LMNA: variants seen among roughly 807,000 people sequenced by gnomAD.
LMNA encodes the protein lamin A/C.
A neutral mutation model predicts 70.4 loss-of-function variants in LMNA; 20 were observed. The ratio of observed to expected loss-of-function variants is 0.28; its 90% confidence interval spans 0.20 to 0.41. The LOEUF is 0.41. Ranked by LOEUF, LMNA falls within the 10% of genes least tolerant of loss-of-function variation. LMNA has a pLI of 1.00. For missense variants in LMNA, 652 were observed against 917.2 expected, an observed-to-expected ratio of 0.71 and a Z score of 3.73; for synonymous variants, 339 against 372.8, an observed-to-expected ratio of 0.91 and a Z score of 1.04.
At chr1:156,110,703 C>T (rs1307485749), upstream of LMNA, among the ~76,000 whole-genome samples, 7 of 151,518 alleles carry the variant, frequency 4.6e-5, no homozygotes, top group South Asian at 6.3e-4. Flanking sequence ...AGGCTGGGTG[C>T]GGTGGCTCAT....
chr1:156,127,835 C>T (rs886427880), intron 1 of LMNA, among the ~76,000 whole-genome samples: 2 of 152,036 alleles, frequency 1.3e-5, no homozygotes, highest in African/African-American at 4.8e-5. Flanking sequence ...TATGGACGTG[C>T]ACCACCTTGC....
rs548459064 is a variant in LMNA, at chr1:156,122,013, A to T, written c.356+6739A>T. Among the ~76,000 whole-genome samples, 3 of 152,140 alleles carry T rather than the reference A, an allele frequency of 2.0e-5. No individual in the cohort carries two copies. In the South Asian group the frequency reaches 6.2e-4, roughly 32 times the overall value. On this transcript the variant is annotated intron_variant, in intron 1 of 11. Transcript: ENST00000368300. ...TCTACTAAAAATACAAAAATTAACC[A>T]GAAATCGCTTGAACCCAGGAGGCAG... is the stretch of plus-strand genomic sequence containing the variant.
rs911401202 is a variant in LMNA, at chr1:156,139,386, C to T, written c.*280C>T. 41 of 1,382,946 alleles carry T rather than the reference C, an allele frequency of 3.0e-5. No homozygotes were observed. Among genetic ancestry groups the T allele is most frequent in the Middle Eastern group, 2.7e-4 (1 of 3,674 alleles). The allele number at this position is 1,382,946 out of a possible 1,614,324, so 85.7% of individuals were successfully genotyped here. On this transcript the variant is annotated 3_prime_UTR_variant, in exon 12 of 12. Coordinates refer to ENST00000368300, the MANE Select transcript of LMNA (RefSeq NM_170707.4). ...TTTTCCCTGCTTCCAGGAAACTCCA[C>T]ATCTGCCTTAAAACCAAAGAGGGCT...
At chr1:156,114,594 T>G (rs1414112497), upstream of LMNA, 5 of 138,446 alleles carry the variant, frequency 3.6e-5, no homozygotes, top group Admixed American at 8.4e-5. Flanking sequence ...TCCTTCCCCC[T>G]CCTCACCACT....
chr1:156,104,196 G>A (rs1258699821), intron 3 of LMNA, among the ~76,000 whole-genome samples: 4 of 152,246 alleles, frequency 2.6e-5, no homozygotes, highest in Admixed American at 2.0e-4. Flanking sequence ...CAAGAGGTGC[G>A]TGTATGGAGG....
intron 3 of LMNA, among the ~76,000 whole-genome samples, chr1:156,095,471 T>TCCTG (rs1267166021): frequency 1.3e-5 from 2 of 151,828 alleles, no homozygotes; most frequent in African/African-American, 4.8e-5. Context: ...CCTGAGTAGC[T>TCCTG]AGGATTACAG....
At position 156,139,485 on chromosome 1, in the gene LMNA, C is replaced by A. The variant is rs1651934215; in HGVS notation, c.*379C>A. Reference sequence around the variant, plus strand: ...GCTTTTCTGCCCTGGCTGCTGCCCCCACCCCGGGGACCCTGTGACATGGTG... The same window carrying A: ...GCTTTTCTGCCCTGGCTGCTGCCCCAACCCCGGGGACCCTGTGACATGGTG... On this transcript the variant is annotated 3_prime_UTR_variant, in exon 12 of 12. Coordinates refer to ENST00000368300, the MANE Select transcript of LMNA (RefSeq NM_170707.4). The A allele has an allele frequency of 1.5e-6, 2 of 1,328,962 alleles. No individual in the cohort carries two copies. Among genetic ancestry groups the A allele is most frequent in the Non-Finnish European group, 1.9e-6 (2 of 1,041,510 alleles). The allele number at this position is 1,328,962 out of a possible 1,614,324, so 82.3% of individuals were successfully genotyped here. A position where few individuals can be genotyped will look rare whatever the true frequency, so the allele number is the denominator to read the frequency against.
At chr1:156,133,532 C>T (rs1361474240) in intron 2 of LMNA, among the ~76,000 whole-genome samples, 1 of 151,824 alleles carries the variant, frequency 6.6e-6, no homozygotes, top group Non-Finnish European at 1.5e-5. Flanking sequence ...GATCGCGCCA[C>T]TGCTCTCCAG....
Position 156,135,789 on chromosome 1 carries a change from T to C in LMNA, c.937-112T>C. ...TCTGATGAGGGCTCTGGGGAAGCTC[T>C]GATTGCAGATCCTGGAGAGAGTAGC... On this transcript the variant is annotated intron_variant, in intron 5 of 11. Coordinates refer to ENST00000368300, the MANE Select transcript of LMNA (RefSeq NM_170707.4). The surrounding 1 kb of genome is among the most constrained non-coding windows in gnomAD (Gnocchi z 4.8). 3 of 860,214 alleles carry C rather than the reference T, an allele frequency of 3.5e-6. No individual in the cohort carries two copies. Among genetic ancestry groups the C allele is most frequent in the Non-Finnish European group, 3.7e-6 (2 of 533,664 alleles). The allele number at this position is 860,214 out of a possible 1,614,324, so 53.3% of individuals were successfully genotyped here.
intron 3 of LMNA, among the ~76,000 whole-genome samples, chr1:156,105,643 C>T (rs924288027): frequency 6.6e-6 from 1 of 152,186 alleles, no homozygotes; most frequent in Non-Finnish European, 1.5e-5. Context: ...AGTGAAGTTT[C>T]AGGGCCTCTC....
Position 156,114,889 on chromosome 1 carries a change from C to A in LMNA, c.-30C>A. The A allele has an allele frequency of 4.7e-6, 7 of 1,480,680 alleles. No homozygotes were observed. The highest frequency in any genetic ancestry group is 6.3e-6 in the Non-Finnish European group (7 of 1,102,984). 91.7% of individuals were successfully genotyped at this position (1,480,680 alleles called of 1,614,324 possible). On this transcript the variant is annotated 5_prime_UTR_variant, in exon 1 of 12. Transcript: ENST00000368300. ...CCCGCGCCCTTTCCGGGACCCCTGC[C>A]CCGCGGGCAGCGCTGCCAACCTGCC...
At chr1:156,096,858 C>T (rs1336666114) in intron 3 of LMNA, among the ~76,000 whole-genome samples, 1 of 152,234 alleles carries the variant, frequency 6.6e-6, no homozygotes, top group South Asian at 2.1e-4. Flanking sequence ...CATGCCCAGG[C>T]GCTGAGGGTT....
chr1:156,130,830 C>T (rs973096917), intron 2 of LMNA, 57 bp downstream of exon 2: 5 of 1,510,684 alleles, frequency 3.3e-6, no homozygotes, highest in African/African-American at 1.4e-5. Flanking sequence ...TACACTCACT[C>T]TTCTACCTAG....
At chr1:156,110,736 G>A (rs1220299800), upstream of LMNA, among the ~76,000 whole-genome samples, 3 of 152,254 alleles carry the variant, frequency 2.0e-5, no homozygotes, top group African/African-American at 7.2e-5. Flanking sequence ...AGCACTTTGA[G>A]AGGCCAAGGC....
At chr1:156,126,702 C>G in intron 1 of LMNA, 1 of 1,539,848 alleles carries the variant, frequency 6.5e-7, no homozygotes, top group Non-Finnish European at 8.8e-7. Context: ...CTGTTCCCCT[C>G]CCCACCCCCT....
rs369377497 is a variant in LMNA at position 156,115,297 on chromosome 1, G to T, written c.356+23G>T. ...GCGGTGAGTTCGCCCAGGTGGCTGC[G>T]TGCCTGGCGGGGAGTGGAGAGGGCG... On this transcript the variant is annotated intron_variant, in intron 1 of 11. Transcript: ENST00000368300. The surrounding 1 kb of genome is among the most constrained non-coding windows in gnomAD (Gnocchi z 5.8). 7 of 1,582,450 alleles carry T rather than the reference G, an allele frequency of 4.4e-6. No individual in the cohort carries two copies. Among genetic ancestry groups the T allele is most frequent in the Middle Eastern group, 3.4e-4 (2 of 5,958 alleles).
intron 1 of LMNA, chr1:156,126,720 C>T: frequency 1.3e-6 from 2 of 1,558,704 alleles, no homozygotes; most frequent in Non-Finnish European, 1.7e-6. Flanking sequence ...CCTCTCTTCC[C>T]TCTTTCTGAG....
chr1:156,094,332 TGGA>T (rs2102792753), intron 3 of LMNA, among the ~76,000 whole-genome samples: 1 of 152,292 alleles, frequency 6.6e-6, no homozygotes, highest in Admixed American at 6.5e-5. Context: ...TGAGCTGAAG[TGGA>T]GGAGTCATGT....
In LMNA at chr1:156,107,102, G is replaced by C. The variant is rs149257468; in HGVS notation, c.-206-7611G>C. On this transcript the variant is annotated intron_variant, in intron 3 of 12. Transcript: ENST00000368301. The stretch of plus-strand genomic sequence containing the variant: ...GCCTGCCTAAGCCTCTGTCTCCTCA[G>C]CTGTAATATGCAGATAATGGTGCTT... 4.8e-3 allele frequency among the ~76,000 whole-genome samples: 738 copies of C among 152,328 alleles called. 2 individuals are homozygous for C. The highest frequency in any genetic ancestry group is 7.6e-3 in the Non-Finnish European group (518 of 68,034).
Sources: gnomAD v4.1 joint callset for allele counts (sites outside exome capture counted in the v4.1 genomes callset) on GRCh38, gnomAD v4.1.1 for gene constraint, Gnocchi (gnomAD v3.1) non-coding constraint, MANE v1.5 for transcripts, NCBI Gene and HGNC (gene_info 2026-07-23, HGNC 2026-07-21) for gene names.